Variants in CNTN5 observed in about 807,000 individuals in gnomAD.
CNTN5 encodes the protein contactin-5.
In CNTN5, 77 loss-of-function variants were observed where a neutral mutation model predicts 129.1. The observed-to-expected ratio is 0.60, with a 90% CI of 0.50 to 0.72. The LOEUF (loss-of-function observed/expected upper bound fraction) is 0.72. Ranked by LOEUF, CNTN5 falls within the 30% of genes least tolerant of loss-of-function variation. The probability of loss-of-function intolerance (pLI) is 0.00; values close to 1 mark genes in which losing one functional copy is unlikely to be tolerated. For synonymous variants in CNTN5, 509 were observed against 465.6 expected (o/e 1.09, Z -1.20); for missense variants, 1,478 against 1,328.8 (o/e 1.11, Z -1.75).
intron 13 of CNTN5, among the ~76,000 whole-genome samples, chr11:100,174,224 C>A (rs551767346): frequency 1.3e-5 from 2 of 151,898 alleles, no homozygotes; most frequent in Non-Finnish European, 2.9e-5. Flanking sequence ...ATCAGAGATA[C>A]GTAAAACGTG....
At chr11:99,141,800 G>T (rs534566491) in intron 1 of CNTN5, among the ~76,000 whole-genome samples, 1 of 152,188 alleles carries the variant, frequency 6.6e-6, no homozygotes, top group East Asian at 1.9e-4. Context: ...GTAATTGAAT[G>T]GTTTTGAGAA....
At chr11:99,588,126 G>C (rs1054795738) in intron 3 of CNTN5, among the ~76,000 whole-genome samples, 1 of 152,072 alleles carries the variant, frequency 6.6e-6, no homozygotes, top group African/African-American at 2.4e-5. Context: ...GGCGGATCAC[G>C]ATGTCAGGAG....
intron 2 of CNTN5, among the ~76,000 whole-genome samples, chr11:99,402,806 TG>T (rs1179488836): frequency 1.3e-5 from 2 of 152,160 alleles, no homozygotes; most frequent in Non-Finnish European, 2.9e-5. Flanking sequence ...GTAGGTTGTA[TG>T]TGTCAAGGAA....
At chr11:99,169,372 A>ATGTGTG (rs71046671) in intron 1 of CNTN5, among the ~76,000 whole-genome samples, 32,525 of 150,940 alleles carry the variant, frequency 0.22, 3,563 homozygotes, top group Middle Eastern at 0.26. Context: ...AATAAGCTAT[A>ATGTGTG]TGTGTGTGTG....
chr11:100,010,107 A>G (rs976963212), intron 9 of CNTN5, among the ~76,000 whole-genome samples: 1 of 152,144 alleles, frequency 6.6e-6, no homozygotes, highest in Non-Finnish European at 1.5e-5. Flanking sequence ...GGGACAATGC[A>G]AGCAAGGAAT....
intron 2 of CNTN5, among the ~76,000 whole-genome samples, chr11:99,483,648 TG>T (rs1945692134): frequency 6.6e-6 from 1 of 152,088 alleles, no homozygotes; most frequent in Non-Finnish European, 1.5e-5. Context: ...CATCACCTGA[TG>T]GTCTCCTGAC....
At chr11:99,662,872 A>G (rs1030789593) in intron 3 of CNTN5, among the ~76,000 whole-genome samples, 1 of 152,230 alleles carries the variant, frequency 6.6e-6, no homozygotes, top group South Asian at 2.1e-4. Flanking sequence ...ATGCATGTAC[A>G]TTATAATTTG....
chr11:99,861,867 T>C (rs189136455), intron 6 of CNTN5, among the ~76,000 whole-genome samples: 2 of 152,356 alleles, frequency 1.3e-5, no homozygotes, highest in East Asian at 1.9e-4. Context: ...CAAAAATTTA[T>C]ACCTACTGTT....
chr11:99,921,045 A>G (rs1378886158), intron 7 of CNTN5, among the ~76,000 whole-genome samples: 1 of 152,170 alleles, frequency 6.6e-6, no homozygotes, highest in Non-Finnish European at 1.5e-5. Context: ...TCTGCAAACC[A>G]GAAAGAAAGC....
intron 1 of CNTN5, among the ~76,000 whole-genome samples, chr11:99,249,008 C>T (rs917514184): frequency 4.6e-5 from 7 of 152,082 alleles, no homozygotes; most frequent in African/African-American, 1.7e-4. Flanking sequence ...CGAAGAAAGT[C>T]ATTTGTAGCT....
chr11:100,187,395 T>C (rs945202882), intron 13 of CNTN5, among the ~76,000 whole-genome samples: 2 of 138,638 alleles, frequency 1.4e-5, no homozygotes, highest in Non-Finnish European at 3.1e-5. Flanking sequence ...ACGCTATTCC[T>C]ATCAAGCTGC....
chr11:99,810,752 A>G (rs1238643064), intron 3 of CNTN5, among the ~76,000 whole-genome samples: 3 of 152,144 alleles, frequency 2.0e-5, no homozygotes, highest in Non-Finnish European at 2.9e-5. Flanking sequence ...CAGAGTTAAC[A>G]TTAATTCTCA....
At chr11:99,863,799 G>A (rs1160011014) in intron 6 of CNTN5, among the ~76,000 whole-genome samples, 2 of 152,112 alleles carry the variant, frequency 1.3e-5, no homozygotes, top group East Asian at 3.8e-4. Context: ...TTAATGTTTA[G>A]AAAGCAAGCT....
intron 3 of CNTN5, among the ~76,000 whole-genome samples, chr11:99,564,017 C>G (rs1375817898): frequency 6.6e-6 from 1 of 152,148 alleles, no homozygotes; most frequent in African/African-American, 2.4e-5. Flanking sequence ...ATTTTTTACT[C>G]TAACACATAT....
At chr11:99,852,442 G>C (rs1437320204) in intron 6 of CNTN5, among the ~76,000 whole-genome samples, 1 of 152,154 alleles carries the variant, frequency 6.6e-6, no homozygotes, top group Non-Finnish European at 1.5e-5. Flanking sequence ...CTTCCAAAAT[G>C]CTGGGATTAG....
chr11:99,933,567 T>C (rs975639869), intron 7 of CNTN5, among the ~76,000 whole-genome samples: 1 of 152,168 alleles, frequency 6.6e-6, no homozygotes, highest in Non-Finnish European at 1.5e-5. Context: ...TTTTGTTTTG[T>C]CCAGAAATTG....
At chr11:99,826,974 G>C (rs868141692) in intron 4 of CNTN5, among the ~76,000 whole-genome samples, 1 of 152,208 alleles carries the variant, frequency 6.6e-6, no homozygotes, top group African/African-American at 2.4e-5. Context: ...TAGTAGCAGA[G>C]ATAAAGAGAA....
intron 9 of CNTN5, among the ~76,000 whole-genome samples, chr11:100,020,742 A>C (rs1941097724): frequency 6.6e-6 from 1 of 152,142 alleles, no homozygotes; most frequent in Non-Finnish European, 1.5e-5. Context: ...AGAATACAAA[A>C]TCAACAGACA....
chr11:99,890,934 G>A (rs1584819), intron 6 of CNTN5, among the ~76,000 whole-genome samples: 125,543 of 151,636 alleles, frequency 0.83, 53,487 homozygotes, highest in Non-Finnish European at 0.93. Flanking sequence ...GATAATGGGG[G>A]AAAAAAATCA....
Sources: allele counts gnomAD v4.1 joint callset (sites outside exome capture counted in the v4.1 genomes callset), GRCh38; gene constraint gnomAD v4.1.1; transcripts MANE v1.5; gene names NCBI Gene and HGNC (gene_info 2026-07-23, HGNC 2026-07-21).